SYNPR: variants seen among roughly 807,000 people sequenced by gnomAD.
SYNPR encodes synaptoporin.
SYNPR carries 23 observed loss-of-function variants against 32.9 expected under a neutral mutation model. The observed-to-expected ratio is 0.70, with a 90% CI of 0.50 to 0.99. The LOEUF (loss-of-function observed/expected upper bound fraction) is 0.99, where lower values mean the gene tolerates loss of function less well. Among genes scored for constraint, SYNPR ranks in the 50% least tolerant of loss-of-function variants. The pLI is 0.00. For missense variants in SYNPR, 318 were observed against 349.3 expected (o/e 0.91, Z 0.71); for synonymous variants, 146 against 135.9 (o/e 1.07, Z -0.52).
intron 3 of SYNPR, among the ~76,000 whole-genome samples, chr3:63,495,707 T>C (rs1701360232): frequency 6.6e-6 from 1 of 152,164 alleles, no homozygotes; most frequent in Non-Finnish European, 1.5e-5. Flanking sequence ...AGTAGCACTT[T>C]TTTTGGTTTT....
intron 2 of SYNPR, among the ~76,000 whole-genome samples, chr3:63,390,806 GCCT>G (rs1310436644): frequency 6.6e-6 from 1 of 152,030 alleles, no homozygotes; most frequent in Non-Finnish European, 1.5e-5. Context: ...CTCAGCCAAG[GCCT>G]CCTCCTTCCT....
At chr3:63,238,530 A>C (rs1262063778) in intron 1 of SYNPR, among the ~76,000 whole-genome samples, 1 of 152,060 alleles carries the variant, frequency 6.6e-6, no homozygotes, top group African/African-American at 2.4e-5. Context: ...ATGAAAAACT[A>C]GTGGTAGGGA....
chr3:63,429,152 G>A (rs760568432), intron 2 of SYNPR, among the ~76,000 whole-genome samples: 34 of 152,150 alleles, frequency 2.2e-4, no homozygotes, highest in Admixed American at 9.2e-4. Context: ...TAATCCTGCC[G>A]GTGTAACAAA....
intron 2 of SYNPR, among the ~76,000 whole-genome samples, chr3:63,408,284 G>A (rs1404292044): frequency 9.6e-5 from 4 of 41,668 alleles, no homozygotes; most frequent in African/African-American, 6.4e-4. Context: ...AAAGAGGAAG[G>A]AAGGAAGGAA....
intron 1 of SYNPR, among the ~76,000 whole-genome samples, chr3:63,250,350 T>C (rs1022883043): frequency 2.0e-5 from 3 of 148,942 alleles, no homozygotes; most frequent in African/African-American, 7.7e-5. Context: ...TAAAATAAAA[T>C]AAAAATAAAA....
intron 2 of SYNPR, among the ~76,000 whole-genome samples, chr3:63,299,099 A>C (rs1338616477): frequency 6.6e-6 from 1 of 152,146 alleles, no homozygotes; most frequent in East Asian, 1.9e-4. Context: ...GAATAAATCT[A>C]TTCTGACCCT....
chr3:63,377,626 A>AC (rs1690350415), intron 2 of SYNPR, among the ~76,000 whole-genome samples: 2 of 142,990 alleles, frequency 1.4e-5, no homozygotes, highest in African/African-American at 5.0e-5. Flanking sequence ...GATACATCTT[A>AC]GTTTTTTTTT....
chr3:63,457,256 A>T (rs1376477), intron 2 of SYNPR, among the ~76,000 whole-genome samples: 23,345 of 151,992 alleles, frequency 0.15, 1,850 homozygotes, highest in Middle Eastern at 0.18. Flanking sequence ...AACTCTGACT[A>T]CCCCTCCCAC....
chr3:63,563,816 C>G (rs1221764603), intron 4 of SYNPR, among the ~76,000 whole-genome samples: 4 of 152,056 alleles, frequency 2.6e-5, no homozygotes, highest in African/African-American at 9.7e-5. Context: ...GGAGGAGGTG[C>G]ATAATCTTGC....
At chr3:63,410,003 G>C (rs2088440412) in intron 2 of SYNPR, among the ~76,000 whole-genome samples, 1 of 151,490 alleles carries the variant, frequency 6.6e-6, no homozygotes, top group Admixed American at 6.6e-5. Context: ...GTGACATGGA[G>C]CAGAACCCCA....
At chr3:63,221,487 C>G in the SYNPR span, among the ~76,000 whole-genome samples, 18 of 152,122 alleles carry the variant, frequency 1.2e-4, no homozygotes, top group Non-Finnish European at 2.2e-4. Flanking sequence ...CCTCAGCTCA[C>G]TCGCATAGAG....
At chr3:63,245,652 A>C (rs1204282365) in intron 1 of SYNPR, among the ~76,000 whole-genome samples, 2 of 150,396 alleles carry the variant, frequency 1.3e-5, no homozygotes, top group Admixed American at 6.7e-5. Flanking sequence ...GTGCCAATTG[A>C]TCAGTTACCT....
chr3:63,203,576 G>C, the SYNPR span: 1 of 152,108 alleles, frequency 6.6e-6, no homozygotes, highest in Admixed American at 6.5e-5. Flanking sequence ...TCAATGATTT[G>C]GAATGTTGGT....
intron 2 of SYNPR, among the ~76,000 whole-genome samples, chr3:63,415,267 C>T (rs754434749): frequency 6.6e-5 from 10 of 152,172 alleles, no homozygotes; most frequent in Admixed American, 2.0e-4. Flanking sequence ...TAGCTCAAAA[C>T]CAATCATGCT....
chr3:63,223,615 C>T (rs1450731951), upstream of SYNPR, among the ~76,000 whole-genome samples: 4 of 89,414 alleles, frequency 4.5e-5, no homozygotes, highest in Non-Finnish European at 7.2e-5. Flanking sequence ...TCAAGAAATT[C>T]CTTTTTAAAA....
At chr3:63,518,697 C>G (rs1399085040) in intron 3 of SYNPR, among the ~76,000 whole-genome samples, 1 of 152,156 alleles carries the variant, frequency 6.6e-6, no homozygotes, top group African/African-American at 2.4e-5. Context: ...TGGCACAGTT[C>G]TGAGTGCTTT....
intron 2 of SYNPR, among the ~76,000 whole-genome samples, chr3:63,344,436 G>C (rs996954700): frequency 2.0e-5 from 3 of 151,320 alleles, no homozygotes; most frequent in African/African-American, 7.3e-5. Flanking sequence ...TATTTATAAA[G>C]TTTTAGAAAT....
chr3:63,252,212 GAC>G (rs1212387243), intron 1 of SYNPR, among the ~76,000 whole-genome samples: 1 of 152,162 alleles, frequency 6.6e-6, no homozygotes, highest in African/African-American at 2.4e-5. Context: ...GGATATGAAT[GAC>G]ACAGTCAACT....
At chr3:63,614,094 T>G (rs1700243399) in intron 5 of SYNPR, among the ~76,000 whole-genome samples, 2 of 152,274 alleles carry the variant, frequency 1.3e-5, no homozygotes, top group South Asian at 4.1e-4. Flanking sequence ...GGGATAGATA[T>G]TGACCCAGCA....
Sources: allele counts gnomAD v4.1 joint callset (sites outside exome capture counted in the v4.1 genomes callset), GRCh38; gene constraint gnomAD v4.1.1; transcripts MANE v1.5; gene names NCBI Gene and HGNC (gene_info 2026-07-23, HGNC 2026-07-21).